Variants in HS6ST3 observed in about 807,000 individuals in gnomAD.
HS6ST3 encodes heparan-sulfate 6-O-sulfotransferase 3.
Under a neutral mutation model 36.7 loss-of-function variants are expected in HS6ST3, and 12 were observed. That is an observed-to-expected ratio of 0.33 (90% CI 0.21 to 0.53). The LOEUF (loss-of-function observed/expected upper bound fraction) is 0.53. Among genes scored for constraint, HS6ST3 ranks in the 20% least tolerant of loss-of-function variants. HS6ST3 has a pLI of 0.95. For synonymous variants in HS6ST3, 240 were observed against 257.5 expected (o/e 0.93, Z 0.65); for missense variants, 584 against 640.9 (o/e 0.91, Z 0.96).
intron 1 of HS6ST3, among the ~76,000 whole-genome samples, chr13:96,674,741 G>T (rs2056693568): frequency 6.6e-6 from 1 of 152,086 alleles, no homozygotes; most frequent in Admixed American, 6.6e-5. Flanking sequence ...TTGTGATTCT[G>T]CAGTGGTCCA....
At chr13:96,688,253 TC>T (rs1874845202) in intron 1 of HS6ST3, among the ~76,000 whole-genome samples, 1 of 147,996 alleles carries the variant, frequency 6.8e-6, no homozygotes, top group African/African-American at 2.5e-5. Flanking sequence ...AAAAAGACTC[TC>T]TCTGGCTTCA....
At chr13:96,470,227 A>G (rs1000124587) in intron 1 of HS6ST3, among the ~76,000 whole-genome samples, 3 of 152,182 alleles carry the variant, frequency 2.0e-5, no homozygotes, top group Admixed American at 1.3e-4. Context: ...AATCTATTAC[A>G]AAAGGATCAT....
intron 1 of HS6ST3, among the ~76,000 whole-genome samples, chr13:96,211,891 C>T (rs2054400914): frequency 6.6e-6 from 1 of 152,124 alleles, no homozygotes; most frequent in Admixed American, 6.5e-5. Flanking sequence ...CTTTCAACAA[C>T]CCCAGAGGAT....
At chr13:96,258,541 G>A (rs547563328) in intron 1 of HS6ST3, among the ~76,000 whole-genome samples, 2 of 152,248 alleles carry the variant, frequency 1.3e-5, no homozygotes, top group African/African-American at 2.4e-5. Flanking sequence ...AATGGGATTG[G>A]CAGCCCCTCA....
intron 1 of HS6ST3, among the ~76,000 whole-genome samples, chr13:96,760,022 A>C (rs1876926445): frequency 6.6e-6 from 1 of 152,040 alleles, no homozygotes; most frequent in Non-Finnish European, 1.5e-5. Context: ...TTATCATTTA[A>C]AGATTCACCT....
At position 96,348,328 on chromosome 13, in the gene HS6ST3, A is replaced by G. The variant is rs1343760660; in HGVS notation, c.707+256759A>G. Among the ~76,000 whole-genome samples the G allele has an allele frequency of 2.0e-5, 3 of 152,192 alleles. 1 individual carries two copies. The highest frequency in any genetic ancestry group is 4.1e-4 in the South Asian group (2 of 4,828). ...TTGAGGACCTATTATTGTAGTTCCA[A>G]TTACTCCTCATCAGGAGGTGTTGGC... On this transcript the variant is annotated intron_variant, in intron 1 of 1. Coordinates refer to ENST00000376705, the MANE Select transcript of HS6ST3 (RefSeq NM_153456.4).
At chr13:96,242,143 T>C (rs2054563864) in intron 1 of HS6ST3, among the ~76,000 whole-genome samples, 1 of 152,034 alleles carries the variant, frequency 6.6e-6, no homozygotes, top group East Asian at 1.9e-4. Context: ...TAAAACTTTA[T>C]GCCTGTTGAA....
At chr13:96,796,236 C>T (rs1877903475) in intron 1 of HS6ST3, among the ~76,000 whole-genome samples, 1 of 152,052 alleles carries the variant, frequency 6.6e-6, no homozygotes, top group South Asian at 2.1e-4. Flanking sequence ...AAAAGGGAAA[C>T]TTCACATTTG....
At chr13:96,275,049 T>C (rs944881058) in intron 1 of HS6ST3, among the ~76,000 whole-genome samples, 3 of 152,060 alleles carry the variant, frequency 2.0e-5, no homozygotes, top group African/African-American at 4.8e-5. Context: ...GCGTAAATCT[T>C]GGGAGTAAAA....
chr13:96,539,102 A>T (rs533591908), intron 1 of HS6ST3, among the ~76,000 whole-genome samples: 1 of 152,258 alleles, frequency 6.6e-6, no homozygotes, highest in East Asian at 1.9e-4. Context: ...ATGTCCAGTG[A>T]ATCTGGAAAA....
chr13:96,636,804 G>A (rs1255734044), intron 1 of HS6ST3, among the ~76,000 whole-genome samples: 2 of 152,120 alleles, frequency 1.3e-5, no homozygotes, highest in African/African-American at 4.8e-5. Context: ...ACGAGGGCAG[G>A]AGTTCAGTAG....
chr13:96,116,750 T>C (rs1466422527), intron 1 of HS6ST3, among the ~76,000 whole-genome samples: 1 of 152,178 alleles, frequency 6.6e-6, no homozygotes, highest in Non-Finnish European at 1.5e-5. Context: ...TTTTAAATTG[T>C]TGATGAGAGA....
At chr13:96,705,876 G>A (rs1875409779) in intron 1 of HS6ST3, among the ~76,000 whole-genome samples, 1 of 152,120 alleles carries the variant, frequency 6.6e-6, no homozygotes, top group Non-Finnish European at 1.5e-5. Flanking sequence ...TCCAGCTGTG[G>A]GTTCCATCAC....
At chr13:96,205,914 T>A (rs771186517) in intron 1 of HS6ST3, among the ~76,000 whole-genome samples, 6 of 152,156 alleles carry the variant, frequency 3.9e-5, no homozygotes, top group Admixed American at 6.5e-5. Flanking sequence ...AAGACAGGGA[T>A]ACCCTCTCTC....
At chr13:96,623,661 A>G (rs1275943558) in intron 1 of HS6ST3, among the ~76,000 whole-genome samples, 3 of 152,170 alleles carry the variant, frequency 2.0e-5, no homozygotes, top group Non-Finnish European at 2.9e-5. Context: ...TGAACTAAAC[A>G]TTGGGAAACT....
intron 1 of HS6ST3, among the ~76,000 whole-genome samples, chr13:96,697,171 A>ATG (rs113784098): frequency 1.4e-3 from 216 of 150,386 alleles, no homozygotes; most frequent in East Asian, 2.9e-3. Context: ...AAATGTATAG[A>ATG]TGTGTGTGTG....
At chr13:96,193,676 C>T (rs928393752) in intron 1 of HS6ST3, among the ~76,000 whole-genome samples, 4 of 152,044 alleles carry the variant, frequency 2.6e-5, no homozygotes, top group African/African-American at 4.8e-5. Context: ...AAAAAGAAAG[C>T]GAGAGGTAGG....
chr13:96,348,332 C>A (rs948145785), intron 1 of HS6ST3, among the ~76,000 whole-genome samples: 8 of 152,180 alleles, frequency 5.3e-5, no homozygotes, highest in African/African-American at 1.9e-4. Context: ...GTTCCAATTA[C>A]TCCTCATCAG....
At chr13:96,475,050 C>A in intron 1 of HS6ST3, among the ~76,000 whole-genome samples, 1 of 151,388 alleles carries the variant, frequency 6.6e-6, no homozygotes, top group African/African-American at 2.4e-5. Flanking sequence ...AAATGCAACT[C>A]TATTCTCTCA....
Sources: gnomAD v4.1 joint callset for allele counts (sites outside exome capture counted in the v4.1 genomes callset) on GRCh38, gnomAD v4.1.1 for gene constraint, MANE v1.5 for transcripts, NCBI Gene and HGNC (gene_info 2026-07-23, HGNC 2026-07-21) for gene names.